Variants in CDH13 observed in about 807,000 individuals in gnomAD.
CDH13 encodes the protein cadherin-13.
Under a neutral mutation model 63.8 loss-of-function variants are expected in CDH13, and 24 were observed. The ratio of observed to expected loss-of-function variants is 0.38; its 90% CI spans 0.27 to 0.53. The LOEUF (loss-of-function observed/expected upper bound fraction) is 0.53. Among genes scored for constraint, CDH13 ranks in the 20% least tolerant of loss-of-function variants. CDH13 has a pLI of 0.85. For synonymous variants in CDH13, 503 were observed against 355.3 expected (o/e 1.42, Z -4.67); for missense variants, 1,049 against 903.1 (o/e 1.16, Z -2.07).
intron 1 of CDH13, among the ~76,000 whole-genome samples, chr16:82,685,719 G>A (rs747825929): frequency 7.2e-5 from 11 of 152,188 alleles, no homozygotes; most frequent in Non-Finnish European, 1.6e-4. Flanking sequence ...GCCTGGCTCA[G>A]GCAGCTTTCG....
chr16:82,937,419 GCACACACACACACACACAGACA>G (rs2042704094), intron 2 of CDH13, among the ~76,000 whole-genome samples: 1 of 149,006 alleles, frequency 6.7e-6, no homozygotes. Context: ...ACATACACAT[GCACACACACACACACACAGACA>G]CACACACACA....
At chr16:83,586,790 C>G (rs955887201) in intron 7 of CDH13, among the ~76,000 whole-genome samples, 4 of 152,128 alleles carry the variant, frequency 2.6e-5, no homozygotes, top group African/African-American at 9.7e-5. Flanking sequence ...CCAGAATAAT[C>G]TGTGGCCGGG....
intron 6 of CDH13, among the ~76,000 whole-genome samples, chr16:83,463,159 TG>T (rs1469588981): frequency 2.6e-5 from 4 of 152,118 alleles, no homozygotes; most frequent in Non-Finnish European, 5.9e-5. Context: ...AGGAACAACC[TG>T]GGGCAGGGGC....
intron 6 of CDH13, among the ~76,000 whole-genome samples, chr16:83,451,251 C>A (rs1029664284): frequency 6.6e-6 from 1 of 152,158 alleles, no homozygotes; most frequent in African/African-American, 2.4e-5. Context: ...GGAGGCCTCA[C>A]AATCATGGCA....
intron 5 of CDH13, among the ~76,000 whole-genome samples, chr16:83,263,897 A>AAG (rs2151838414): frequency 6.6e-6 from 1 of 152,178 alleles, no homozygotes. Flanking sequence ...AAAAAAAATA[A>AAG]TGATAGCAGA....
chr16:82,974,978 C>G (rs1909291162), intron 2 of CDH13, among the ~76,000 whole-genome samples: 1 of 152,228 alleles, frequency 6.6e-6, no homozygotes, highest in African/African-American at 2.4e-5. Flanking sequence ...GGCGCTGGGT[C>G]AGTCTCAGAA....
At chr16:82,821,543 TG>T (rs2038000371) in intron 1 of CDH13, among the ~76,000 whole-genome samples, 1 of 152,150 alleles carries the variant, frequency 6.6e-6, no homozygotes. Context: ...CATTCAAACC[TG>T]GGCTTGGATG....
intron 1 of CDH13, among the ~76,000 whole-genome samples, chr16:82,707,234 C>G (rs2031565575): frequency 6.6e-6 from 1 of 152,180 alleles, no homozygotes; most frequent in Admixed American, 6.5e-5. Flanking sequence ...TGAACAAAAG[C>G]CATTGCTAAT....
chr16:82,715,829 T>C (rs2032330025), intron 1 of CDH13, among the ~76,000 whole-genome samples: 1 of 152,188 alleles, frequency 6.6e-6, no homozygotes, highest in Non-Finnish European at 1.5e-5. Context: ...CTACCTGCCT[T>C]TTTTATTTCC....
intron 7 of CDH13, among the ~76,000 whole-genome samples, chr16:83,545,912 A>G (rs866587431): frequency 2.6e-5 from 4 of 152,174 alleles, no homozygotes; most frequent in East Asian, 1.9e-4. Context: ...AATGACAACT[A>G]TCTACCAGGA....
At chr16:83,379,938 T>TATATATATATATATAGAG in intron 6 of CDH13, among the ~76,000 whole-genome samples, 9 of 123,452 alleles carry the variant, frequency 7.3e-5, no homozygotes, top group African/African-American at 2.3e-4. Context: ...TATATATATA[T>TATATATATATATATAGAG]AGAGAGAGAG....
At chr16:83,729,935 G>C (rs1332376463) in intron 10 of CDH13, among the ~76,000 whole-genome samples, 2 of 152,214 alleles carry the variant, frequency 1.3e-5, no homozygotes, top group East Asian at 1.9e-4. Flanking sequence ...TTTTGAAGCT[G>C]ACCTGGCCAT....
intron 1 of CDH13, among the ~76,000 whole-genome samples, chr16:82,715,231 T>C (rs1484717518): frequency 6.6e-6 from 1 of 151,828 alleles, no homozygotes; most frequent in Non-Finnish European, 1.5e-5. Context: ...GGAGAAGCTT[T>C]TTCACACTGC....
intron 2 of CDH13, among the ~76,000 whole-genome samples, chr16:82,891,542 A>G (rs895745669): frequency 3.9e-5 from 6 of 152,324 alleles, no homozygotes; most frequent in African/African-American, 7.2e-5. Flanking sequence ...ACACTGCACC[A>G]TCACCCCTCC....
At position 83,798,227 on chromosome 16, in the gene CDH13, T is replaced by TCTTA. The variant is rs1904292557; in HGVS notation, c.*3198_*3201dup. On this transcript the variant is annotated 3_prime_UTR_variant, in exon 14 of 14. Transcript: ENST00000567109. ...ATTTTACCCAAATAAATACACTGGG[T>TCTTA]CTTAATCTTAAGATGTGACAACTAA... 1 of 152,154 alleles carries TCTTA rather than the reference T, an allele frequency of 6.6e-6. No individual in the cohort carries two copies. The highest frequency in any genetic ancestry group is 2.4e-5 in the African/African-American group (1 of 41,424). The allele number at this position is 152,154 out of a possible 1,614,324, so 9.4% of individuals were successfully genotyped here.
intron 2 of CDH13, among the ~76,000 whole-genome samples, chr16:82,888,472 C>T (rs566760808): frequency 1.3e-5 from 2 of 152,348 alleles, no homozygotes; most frequent in South Asian, 2.1e-4. Context: ...TGCCCCAGTG[C>T]TCTCTGTCCC....
intron 2 of CDH13, among the ~76,000 whole-genome samples, chr16:82,952,628 A>G (rs962597811): frequency 2.0e-5 from 3 of 152,300 alleles, no homozygotes; most frequent in Admixed American, 2.0e-4. Flanking sequence ...AATGTGATCA[A>G]TTTTCTGTGG....
intron 5 of CDH13, among the ~76,000 whole-genome samples, chr16:83,297,020 G>A (rs2089616145): frequency 1.3e-5 from 2 of 152,120 alleles, no homozygotes; most frequent in South Asian, 4.1e-4. Flanking sequence ...TGAAGAAGAT[G>A]GAATGAAGGA....
chr16:82,738,355 T>C (rs1320639944), intron 1 of CDH13, among the ~76,000 whole-genome samples: 2 of 152,232 alleles, frequency 1.3e-5, no homozygotes, highest in African/African-American at 4.8e-5. Context: ...CCTGTCAAAC[T>C]CTAGGAATGT....
Sources: allele counts gnomAD v4.1 joint callset (sites outside exome capture counted in the v4.1 genomes callset), GRCh38; gene constraint gnomAD v4.1.1; transcripts MANE v1.5; gene names NCBI Gene and HGNC (gene_info 2026-07-23, HGNC 2026-07-21).